WIPI2: variants seen among roughly 807,000 people sequenced by gnomAD.
The protein encoded by WIPI2 is WD repeat domain, phosphoinositide interacting 2.
In WIPI2, 28 loss-of-function variants were observed where a neutral mutation model predicts 52.3. The ratio of observed to expected loss-of-function variants is 0.54; its 90% confidence interval spans 0.40 to 0.73. The LOEUF (loss-of-function observed/expected upper bound fraction) is 0.73, where lower values mean the gene tolerates loss of function less well. Among genes scored for constraint, WIPI2 ranks in the 30% least tolerant of loss-of-function variants. The pLI is 0.00. For synonymous variants in WIPI2, 268 were observed against 245.0 expected, an observed-to-expected ratio of 1.09 and a Z score of -0.88; for missense variants, 506 against 602.9, an observed-to-expected ratio of 0.84 and a Z score of 1.68.
intron 3 of WIPI2, among the ~76,000 whole-genome samples, chr7:5,202,495 C>T (rs1288842169): frequency 3.3e-5 from 5 of 152,124 alleles, no homozygotes; most frequent in Non-Finnish European, 7.3e-5. Flanking sequence ...GCGATCCTCC[C>T]TCCTCAGCCT....
intron 9 of WIPI2, chr7:5,226,954 A>T (rs1783464163): frequency 7.1e-6 from 4 of 559,950 alleles, no homozygotes; most frequent in East Asian, 3.1e-5. Flanking sequence ...CAAAGGCTGT[A>T]GCTCCTCCCT....
chr7:5,227,493 C>G lies in WIPI2; in HGVS notation c.1013+149C>G. The G allele has an allele frequency of 8.6e-7, 1 of 1,165,468 alleles. No homozygotes were observed. Among genetic ancestry groups the G allele is most frequent in the South Asian group, 1.6e-5 (1 of 63,508 alleles). The allele number at this position is 1,165,468 out of a possible 1,614,324, so 72.2% of individuals were successfully genotyped here. Reference sequence around the variant, plus strand: ...TCGAGAGTTGTCGGGGATGGGAGGTCCCCTGGCAGGCACTAGGCTTGCCGC... The same window carrying G: ...TCGAGAGTTGTCGGGGATGGGAGGTGCCCTGGCAGGCACTAGGCTTGCCGC... On this transcript the variant is annotated intron_variant, in intron 10 of 12. Coordinates refer to ENST00000288828, the MANE Select transcript of WIPI2 (RefSeq NM_015610.4). The surrounding 1 kb of genome is among the most constrained non-coding windows in gnomAD (Gnocchi z 8.1).
At chr7:5,217,659 G>A (rs529921523) in intron 6 of WIPI2, 32 of 482,986 alleles carry the variant, frequency 6.6e-5, no homozygotes, top group African/African-American at 5.7e-4. Context: ...CTGCTGCGGC[G>A]TTCAGAGCAG....
intron 11 of WIPI2, among the ~76,000 whole-genome samples, chr7:5,228,733 A>T (rs57418885): frequency 0.05 from 7,659 of 152,302 alleles, 214 homozygotes; most frequent in African/African-American, 0.056. Flanking sequence ...CTAACAACAT[A>T]TAATTTTTTA....
intron 3 of WIPI2, among the ~76,000 whole-genome samples, chr7:5,203,434 A>C (rs562629414): frequency 6.6e-6 from 1 of 152,112 alleles, no homozygotes; most frequent in African/African-American, 2.4e-5. Context: ...GTTGCCAACT[A>C]TAAACCACGC....
At chr7:5,222,845 G>T (rs1783211277) in intron 8 of WIPI2, 173 bp downstream of exon 8, 2 of 625,930 alleles carry the variant, frequency 3.2e-6, no homozygotes, top group Non-Finnish European at 2.8e-6. Flanking sequence ...GAATTGAAGA[G>T]CACTTTCAGA....
intron 9 of WIPI2, 94 bp downstream of exon 9, chr7:5,226,024 C>A: frequency 8.0e-7 from 1 of 1,249,504 alleles, no homozygotes; most frequent in Non-Finnish European, 1.1e-6. Context: ...CCCGCCCACC[C>A]TCTGACATCG....
chr7:5,212,738 G>A (rs556681018), intron 3 of WIPI2, among the ~76,000 whole-genome samples: 3 of 152,292 alleles, frequency 2.0e-5, no homozygotes, highest in South Asian at 4.1e-4. Context: ...GGCTGGTCTC[G>A]AATTCCTGCC....
chr7:5,231,981 C>T lies in WIPI2; in HGVS notation c.*1034C>T. Reference sequence around the variant, plus strand: ...TTTTCATCTTAGAAAATTTCCTCAGCAAACCGATGAGAGATTGTGGTTGCA... The same window carrying T: ...TTTTCATCTTAGAAAATTTCCTCAGTAAACCGATGAGAGATTGTGGTTGCA... On this transcript the variant is annotated 3_prime_UTR_variant, in exon 13 of 13. Transcript: ENST00000288828. The T allele has an allele frequency of 2.5e-6, 1 of 392,364 alleles. No individual in the cohort carries two copies. Among genetic ancestry groups the T allele is most frequent in the Non-Finnish European group, 4.5e-6 (1 of 222,460 alleles). The allele number at this position is 392,364 out of a possible 1,614,324, so 24.3% of individuals were successfully genotyped here.
At chr7:5,216,471 C>T (rs1341301101) in intron 4 of WIPI2, 92 bp from the exon 5 acceptor site, 11 of 948,672 alleles carry the variant, frequency 1.2e-5, no homozygotes, top group South Asian at 2.8e-5. Flanking sequence ...GGAATGAGAG[C>T]GTCATAGTCC....
chr7:5,211,137 T>C (rs1432001851), intron 3 of WIPI2, among the ~76,000 whole-genome samples: 2 of 152,214 alleles, frequency 1.3e-5, no homozygotes, highest in Non-Finnish European at 2.9e-5. Context: ...GACGTTGCCC[T>C]GTGTGACCTC....
Position 5,190,354 on chromosome 7 carries a change from G to C in WIPI2, c.-66G>C. 1 of 1,195,748 alleles carries C rather than the reference G, an allele frequency of 8.4e-7. No homozygotes were observed. The allele number at this position is 1,195,748 out of a possible 1,614,324, so 74.1% of individuals were successfully genotyped here. ...GAGCGGGGCCCGGCGCCGACCCTGA[G>C]TGCAGCCTGACCCGCCCTCGCGCGC... On this transcript the variant is annotated 5_prime_UTR_variant, in exon 1 of 13. Coordinates refer to ENST00000288828, the MANE Select transcript of WIPI2 (RefSeq NM_015610.4).
At chr7:5,205,757 C>G (rs1360592631) in intron 3 of WIPI2, among the ~76,000 whole-genome samples, 1 of 152,134 alleles carries the variant, frequency 6.6e-6, no homozygotes, top group African/African-American at 2.4e-5. Flanking sequence ...ATCCACCTGC[C>G]TCTGCCTCCC....
intron 3 of WIPI2, among the ~76,000 whole-genome samples, chr7:5,202,602 TC>T (rs1782082769): frequency 6.6e-6 from 1 of 151,714 alleles, no homozygotes; most frequent in African/African-American, 2.4e-5. Flanking sequence ...CCCAGGCTGG[TC>T]TTGAACTCCT....
At position 5,227,043 on chromosome 7, in the gene WIPI2, A is replaced by T. The variant is rs1783470100; in HGVS notation, c.849-137A>T. 7.9e-7 allele frequency: 1 copy of T among 1,269,154 alleles called. No homozygotes were observed. The highest frequency in any genetic ancestry group is 1.1e-6 in the Non-Finnish European group (1 of 917,220). The allele number at this position is 1,269,154 out of a possible 1,614,324, so 78.6% of individuals were successfully genotyped here. Reference sequence around the variant, plus strand: ...CTGGGGCCCTGAGTGTCTGCTTATAACCAACCCTGTTTAATTTTCCTGTGA... The same window carrying T: ...CTGGGGCCCTGAGTGTCTGCTTATATCCAACCCTGTTTAATTTTCCTGTGA... On this transcript the variant is annotated intron_variant, in intron 9 of 12. Transcript: ENST00000288828. This position sits in a 1 kb window ranked among gnomAD's most constrained non-coding sequence, Gnocchi z 8.1.
At chr7:5,215,735 C>T (rs1782780272) in intron 4 of WIPI2, among the ~76,000 whole-genome samples, 1 of 145,802 alleles carries the variant, frequency 6.9e-6, no homozygotes, top group Non-Finnish European at 1.5e-5. Context: ...AATTATAAGA[C>T]ATCATATCTT....
chr7:5,214,580 G>T lies in WIPI2; in HGVS notation c.257G>T (p.Ser86Ile). ...VCIVERLFSS[S>I]LVAIVSLKAP... ...ATTGTAGAGAGATTGTTCTCCAGCAGCCTAGTGGCCATCGTCAGCCTTAAA... is the reference window on the plus strand; with the variant it reads ...ATTGTAGAGAGATTGTTCTCCAGCATCCTAGTGGCCATCGTCAGCCTTAAA... Residue 86 changes from serine to isoleucine, a missense_variant, in exon 4 of 13, where the codon AGC becomes ATC. Ser to Ile is a moderately radical substitution (Grantham distance 142, BLOSUM62 -2). This residue lies in a region of WIPI2 where 237 missense variants were observed against 346.9 expected (regional missense o/e 0.68). Transcript: ENST00000288828. The T allele has an allele frequency of 6.2e-7, 1 of 1,614,256 alleles. No homozygotes were observed. The highest frequency in any genetic ancestry group is 8.5e-7 in the Non-Finnish European group (1 of 1,180,044).
At chr7:5,208,485 AC>A (rs1199998143) in intron 3 of WIPI2, among the ~76,000 whole-genome samples, 1 of 149,874 alleles carries the variant, frequency 6.7e-6, no homozygotes, top group Non-Finnish European at 1.5e-5. Flanking sequence ...ACTTTTGCCT[AC>A]CCTGTAGTCA....
chr7:5,203,742 C>T (rs1004365502), intron 3 of WIPI2, among the ~76,000 whole-genome samples: 2 of 150,926 alleles, frequency 1.3e-5, no homozygotes, highest in East Asian at 3.9e-4. Context: ...GCGCCATTCT[C>T]CTGCCTCAGC....
Sources: gnomAD v4.1 joint callset for allele counts (sites outside exome capture counted in the v4.1 genomes callset) on GRCh38, gnomAD v4.1.1 for gene constraint, gnomAD v4.1.1 regional missense constraint, Gnocchi (gnomAD v3.1) non-coding constraint, MANE v1.5 for transcripts, NCBI Gene and HGNC (gene_info 2026-07-23, HGNC 2026-07-21) for gene names.